The following LINGO2 variants were observed in gnomAD, a reference collection of about 807,000 sequenced individuals.
The protein encoded by LINGO2 is leucine rich repeat and Ig domain containing 2, also known as leucine-rich repeat and immunoglobulin-like domain-containing nogo receptor-interacting protein 2.
A neutral mutation model predicts 30.6 loss-of-function variants in LINGO2; 14 were observed. The observed-to-expected ratio is 0.46, with a 90% CI of 0.30 to 0.72. The LOEUF is 0.72. Among genes scored for constraint, LINGO2 ranks in the 30% least tolerant of loss-of-function variants. The probability of loss-of-function intolerance (pLI) is 0.07; values close to 1 mark genes in which losing one functional copy is unlikely to be tolerated. For missense variants in LINGO2, 729 were observed against 751.7 expected, an observed-to-expected ratio of 0.97 and a Z score of 0.35; for synonymous variants, 317 against 288.5, an observed-to-expected ratio of 1.10 and a Z score of -1.00.
At chr9:28,134,425 C>T (rs1337998511) in intron 4 of LINGO2, among the ~76,000 whole-genome samples, 2 of 152,164 alleles carry the variant, frequency 1.3e-5, no homozygotes, top group African/African-American at 2.4e-5. Context: ...AATTGCCTGA[C>T]TTCAATTTGC....
the LINGO2 span, among the ~76,000 whole-genome samples, chr9:28,778,952 G>T: frequency 6.6e-6 from 1 of 152,078 alleles, no homozygotes; most frequent in South Asian, 2.1e-4. Flanking sequence ...GGAAGATAAA[G>T]AAATTGATTT....
chr9:28,845,100 C>A, the LINGO2 span, among the ~76,000 whole-genome samples: 1 of 151,764 alleles, frequency 6.6e-6, no homozygotes, highest in Non-Finnish European at 1.5e-5. Flanking sequence ...CAGGTCAGCC[C>A]AATGCATTAC....
intron 4 of LINGO2, among the ~76,000 whole-genome samples, chr9:28,279,742 G>C (rs763979418): frequency 7.2e-5 from 11 of 152,024 alleles, no homozygotes; most frequent in Non-Finnish European, 1.6e-4. Context: ...AGGTATGTTT[G>C]TATTGTATTC....
chr9:28,591,915 G>A (rs1228525304), intron 1 of LINGO2, among the ~76,000 whole-genome samples: 1 of 151,988 alleles, frequency 6.6e-6, no homozygotes, highest in Non-Finnish European at 1.5e-5. Context: ...GACCATAAGG[G>A]CTTCACAATG....
At chr9:29,106,074 TAG>T in the LINGO2 span, among the ~76,000 whole-genome samples, 2 of 152,194 alleles carry the variant, frequency 1.3e-5, no homozygotes, top group Non-Finnish European at 2.9e-5. Flanking sequence ...ATGTTTCTTT[TAG>T]CATCTCATTT....
chr9:28,863,685 C>T, the LINGO2 span: 1 of 531,362 alleles, frequency 1.9e-6, no homozygotes, highest in Non-Finnish European at 3.9e-6. Flanking sequence ...TGGTGATTCA[C>T]AAAGAAATCC....
At chr9:28,289,497 T>C (rs1485546262) in intron 4 of LINGO2, among the ~76,000 whole-genome samples, 6 of 152,194 alleles carry the variant, frequency 3.9e-5, no homozygotes, top group Admixed American at 1.3e-4. Flanking sequence ...TTATGACTTA[T>C]ACAGTTCAGA....
At chr9:28,736,408 A>G in the LINGO2 span, among the ~76,000 whole-genome samples, 1 of 152,294 alleles carries the variant, frequency 6.6e-6, no homozygotes, top group East Asian at 1.9e-4. Context: ...TTAAGTAGCC[A>G]CGCAGTCTAA....
chr9:28,347,181 A>G (rs7849856), intron 3 of LINGO2, among the ~76,000 whole-genome samples: 59,040 of 152,108 alleles, frequency 0.39, 11,894 homozygotes, highest in South Asian at 0.55. Flanking sequence ...GAAAATTCCT[A>G]CAAAGGATTT....
the LINGO2 span, among the ~76,000 whole-genome samples, chr9:28,726,674 T>C: frequency 6.6e-6 from 1 of 151,862 alleles, no homozygotes; most frequent in Non-Finnish European, 1.5e-5. Context: ...AAGAACAATA[T>C]AAAAAAATAA....
At chr9:28,613,555 T>A (rs1458983504) in intron 1 of LINGO2, among the ~76,000 whole-genome samples, 1 of 152,072 alleles carries the variant, frequency 6.6e-6, no homozygotes, top group African/African-American at 2.4e-5. Context: ...GTCAGGAGAT[T>A]GTATTTTAAT....
the LINGO2 span, among the ~76,000 whole-genome samples, chr9:28,955,304 A>G: frequency 1.2e-4 from 18 of 152,298 alleles, no homozygotes; most frequent in African/African-American, 3.8e-4. Flanking sequence ...TAGATTGTCA[A>G]TGAAAGGAAA....
intron 3 of LINGO2, among the ~76,000 whole-genome samples, chr9:28,350,235 G>A (rs1225656172): frequency 7.2e-6 from 1 of 138,918 alleles, no homozygotes; most frequent in Non-Finnish European, 1.5e-5. Flanking sequence ...ACCCATCAGT[G>A]TGCTGTATTC....
At chr9:28,055,831 T>A (rs1824910712) in intron 4 of LINGO2, among the ~76,000 whole-genome samples, 1 of 152,158 alleles carries the variant, frequency 6.6e-6, no homozygotes. Flanking sequence ...AAAGTCTTCT[T>A]GCTTAGTCTG....
rs1222493234 is a variant in LINGO2, at chr9:28,148,686, C to G, written c.-86-136281G>C. 1.3e-6 allele frequency: 2 copies of G among 1,533,670 alleles called. No individual in the cohort carries two copies. The highest frequency in any genetic ancestry group is 4.9e-5 in the East Asian group (2 of 40,922). Reference sequence around the variant, plus strand: ...CAGGTGCCTGCAGTGAGTTTCTACTCCAACGGCCATGGAGTCGCCAGTTCA... The same window carrying G: ...CAGGTGCCTGCAGTGAGTTTCTACTGCAACGGCCATGGAGTCGCCAGTTCA... On this transcript the variant is annotated intron_variant, in intron 4 of 5. Transcript: ENST00000379992. The surrounding 1 kb of genome is among the most constrained non-coding windows in gnomAD (Gnocchi z 5.1).
chr9:28,525,545 A>C (rs1697186090), intron 1 of LINGO2, among the ~76,000 whole-genome samples: 1 of 152,192 alleles, frequency 6.6e-6, no homozygotes, highest in Admixed American at 6.5e-5. Context: ...CATTATGCTA[A>C]GTAAAAGAAG....
At chr9:28,735,771 T>TA in the LINGO2 span, among the ~76,000 whole-genome samples, 105 of 147,728 alleles carry the variant, frequency 7.1e-4, no homozygotes, top group African/African-American at 1.4e-3. Flanking sequence ...TCTCATTACT[T>TA]AAAAAAAAAA....
chr9:28,715,621 A>T, the LINGO2 span, among the ~76,000 whole-genome samples: 4 of 152,068 alleles, frequency 2.6e-5, no homozygotes, highest in South Asian at 8.3e-4. Flanking sequence ...GTAAAACCAG[A>T]AGGTCATCGT....
chr9:28,471,283 T>G (rs1047423111), intron 2 of LINGO2, among the ~76,000 whole-genome samples: 3 of 152,216 alleles, frequency 2.0e-5, no homozygotes, highest in Non-Finnish European at 2.9e-5. Flanking sequence ...GCTTTCATAC[T>G]GTGTCATAAC....
Sources: gnomAD v4.1 joint callset for allele counts (sites outside exome capture counted in the v4.1 genomes callset) on GRCh38, gnomAD v4.1.1 for gene constraint, Gnocchi (gnomAD v3.1) non-coding constraint, MANE v1.5 for transcripts, NCBI Gene and HGNC (gene_info 2026-07-23, HGNC 2026-07-21) for gene names.